The following CAMSAP1 variants were observed in gnomAD, a reference collection of about 807,000 sequenced individuals.
CAMSAP1 encodes calmodulin regulated spectrin associated protein 1.
CAMSAP1 carries 58 observed loss-of-function variants against 143.5 expected under a neutral mutation model. The observed-to-expected ratio is 0.40, with a 90% CI of 0.33 to 0.50. The LOEUF is 0.50. CAMSAP1 is among the 20% of genes least tolerant of loss of function. The pLI is 0.45. For synonymous variants in CAMSAP1, 945 were observed against 859.3 expected, an observed-to-expected ratio of 1.10 and a Z score of -1.74; for missense variants, 1,969 against 2,115.7, an observed-to-expected ratio of 0.93 and a Z score of 1.36.
At chr9:135,843,224 G>A (rs933904352) in intron 7 of CAMSAP1, among the ~76,000 whole-genome samples, 2 of 152,168 alleles carry the variant, frequency 1.3e-5, no homozygotes, top group Admixed American at 6.5e-5. Flanking sequence ...CTACTCGGGA[G>A]GCTGAGGCAG....
chr9:135,821,846 A>G lies in CAMSAP1; in HGVS notation c.2815T>C (p.Tyr939His), dbSNP rs1835475332. Residue 939 changes from tyrosine to histidine, a missense_variant, in exon 11 of 17, where the codon TAC (tyrosine) becomes CAC (histidine). Physicochemically the swap from Tyr to His is moderately conservative, Grantham distance 83 (BLOSUM62 2). Coordinates refer to ENST00000389532, the MANE Select transcript of CAMSAP1 (RefSeq NM_015447.4). This position sits in a 1 kb window ranked among gnomAD's most constrained non-coding sequence, Gnocchi z 4.6. ...PLRPEHFAKEYSQHNGEDCGD... is the reference protein window; with the variant it reads ...PLRPEHFAKEHSQHNGEDCGD... ...CAGTCCTCCCCGTTGTGCTGAGAGT[A>G]CTCCTTTGCAAAGTGCTCCGGCCTG... is the stretch of plus-strand genomic sequence containing the variant. 1 of 1,613,606 alleles carries G rather than the reference A, an allele frequency of 6.2e-7. No homozygotes were observed. The highest frequency in any genetic ancestry group is 8.5e-7 in the Non-Finnish European group (1 of 1,179,790).
chr9:135,812,863 G>A (rs1835098893), intron 16 of CAMSAP1, among the ~76,000 whole-genome samples: 2 of 151,914 alleles, frequency 1.3e-5, no homozygotes, highest in African/African-American at 4.8e-5. Flanking sequence ...GAGCTACTCA[G>A]AGAATCGCTT....
At position 135,821,595 on chromosome 9, in the gene CAMSAP1, A is replaced by T. The variant is rs747398208; in HGVS notation, c.3066T>A (p.Leu1022=). 9 of 1,613,818 alleles carry T rather than the reference A, an allele frequency of 5.6e-6. No homozygotes were observed. Among genetic ancestry groups the T allele is most frequent in the African/African-American group, 1.3e-5 (1 of 74,918 alleles). The part of the protein sequence containing the change: ...GEVVDVNECD[L]SIEKLNETIS... ...TGGTTTCGTTAAGCTTCTCGATGGA[A>T]AGGTCACATTCATTCACGTCGACAA... Residue 1022 remains leucine, a synonymous_variant, in exon 11 of 17, where the codon CTT becomes CTA. Transcript: ENST00000389532. The surrounding 1 kb of genome is among the most constrained non-coding windows in gnomAD (Gnocchi z 4.6).
At chr9:135,884,545 T>C (rs1838063619) in intron 1 of CAMSAP1, among the ~76,000 whole-genome samples, 1 of 152,158 alleles carries the variant, frequency 6.6e-6, no homozygotes, top group African/African-American at 2.4e-5. Flanking sequence ...TACACAATGA[T>C]TAGGTCATCA....
rs185171176 is a variant in CAMSAP1, at chr9:135,840,447, G to A, written c.1045+9690C>T. On this transcript the variant is annotated intron_variant, in intron 7 of 16. Coordinates refer to ENST00000389532, the MANE Select transcript of CAMSAP1 (RefSeq NM_015447.4). ...GGGGGCTCCAGCCATGACTCACGAC[G>A]GGGTCCGATGGGAAGAGGCCTTTCC... 5.7e-3 allele frequency among the ~76,000 whole-genome samples: 866 copies of A among 152,270 alleles called. 7 individuals carry two copies. The highest frequency in any genetic ancestry group is 5.2e-3 in the Non-Finnish European group (352 of 68,022).
Position 135,818,684 on chromosome 9 carries a change from G to A in CAMSAP1, c.3960-68C>T. ...TCTTCCACGACGCCTGCGCCGCGGC[G>A]CTCTGTCCAGGCGCGTTTCTCGGGT... On this transcript the variant is annotated intron_variant, in intron 12 of 16. Coordinates refer to ENST00000389532, the MANE Select transcript of CAMSAP1 (RefSeq NM_015447.4). This position sits in a 1 kb window ranked among gnomAD's most constrained non-coding sequence, Gnocchi z 7.7. 2.0e-6 allele frequency: 3 copies of A among 1,532,058 alleles called. No individual in the cohort carries two copies. The highest frequency in any genetic ancestry group is 1.9e-4 in the Middle Eastern group (1 of 5,132). 94.9% of individuals were successfully genotyped at this position (1,532,058 alleles called of 1,614,324 possible). A position where few individuals can be genotyped will look rare whatever the true frequency, so the allele number is the denominator to read the frequency against.
In CAMSAP1 at chr9:135,820,789, G is replaced by C; in HGVS notation, c.3822+50C>G. 6.3e-7 allele frequency: 1 copy of C among 1,588,806 alleles called. No homozygotes were observed. Among genetic ancestry groups the C allele is most frequent in the Non-Finnish European group, 8.6e-7 (1 of 1,168,940 alleles). The stretch of plus-strand genomic sequence containing the variant: ...GTGTTCTCTAACTCACTATCACGTG[G>C]GGTGGCAACACATCACGAGTGCCTG... On this transcript the variant is annotated intron_variant, in intron 11 of 16. Coordinates refer to ENST00000389532, the MANE Select transcript of CAMSAP1 (RefSeq NM_015447.4). This position sits in a 1 kb window ranked among gnomAD's most constrained non-coding sequence, Gnocchi z 4.4.
intron 3 of CAMSAP1, among the ~76,000 whole-genome samples, chr9:135,878,668 C>A (rs758830592): frequency 6.6e-6 from 1 of 152,106 alleles, no homozygotes; most frequent in African/African-American, 2.4e-5. Flanking sequence ...GAACCCACAC[C>A]GGAGAGGGCC....
At chr9:135,865,725 AT>A (rs1837353326) in intron 4 of CAMSAP1, among the ~76,000 whole-genome samples, 1 of 152,158 alleles carries the variant, frequency 6.6e-6, no homozygotes, top group South Asian at 2.1e-4. Flanking sequence ...AGGAAGCTCA[AT>A]GCTTAAGATC....
At chr9:135,850,837 A>G (rs1345489727) in intron 5 of CAMSAP1, among the ~76,000 whole-genome samples, 2 of 152,246 alleles carry the variant, frequency 1.3e-5, no homozygotes, top group Non-Finnish European at 2.9e-5. Context: ...CCCTCTGCAC[A>G]AGGTTTCCGT....
At chr9:135,848,529 ACATGCACACACACG>A (rs1377614269) in intron 7 of CAMSAP1, among the ~76,000 whole-genome samples, 8 of 152,138 alleles carry the variant, frequency 5.3e-5, no homozygotes, top group South Asian at 2.1e-4. Flanking sequence ...ACACGCTCAC[ACATGCACACACACG>A]CATGCACACA....
rs151146497 is a variant in CAMSAP1, at chr9:135,822,410, C to A, written c.2251G>T (p.Asp751Tyr). Residue 751 changes from aspartate to tyrosine, a missense_variant, in exon 11 of 17, where the codon GAT becomes TAT. By Grantham distance (160) the Asp-to-Tyr change is radical. Around this residue, in one of 4 missense-constraint regions of CAMSAP1, gnomAD observed 1,390 missense variants for 1,420.8 expected, o/e 0.98. Coordinates refer to ENST00000389532, the MANE Select transcript of CAMSAP1 (RefSeq NM_015447.4). The surrounding 1 kb of genome is among the most constrained non-coding windows in gnomAD (Gnocchi z 6.1). ...ACAGGATGGGCCTCACCCATGAAAT[C>A]GTGCTCGGCTTCCTCTATGTCCACC... ...DVVDIEEAEHDFMGEAHPVVF... is the reference protein window; with the variant it reads ...DVVDIEEAEHYFMGEAHPVVF... 1 of 1,614,002 alleles carries A rather than the reference C, an allele frequency of 6.2e-7. No homozygotes were observed. Among genetic ancestry groups the A allele is most frequent in the South Asian group, 1.1e-5 (1 of 91,086 alleles).
chr9:135,904,615 T>C lies in CAMSAP1; in HGVS notation c.160+2385A>G, dbSNP rs1431549346. On this transcript the variant is annotated intron_variant, in intron 1 of 16. Transcript: ENST00000389532. ...GGCTTAAAAACTTTTTTTTTTGTAA[T>C]TACATATGCTCCCCCTGTGAAGCAA... 2.6e-5 allele frequency among the ~76,000 whole-genome samples: 4 copies of C among 151,824 alleles called. No homozygotes were observed. The East Asian group carries it at 7.8e-4, about 30-fold the overall frequency.
intron 14 of CAMSAP1, chr9:135,817,755 G>A: frequency 3.8e-6 from 2 of 527,926 alleles, no homozygotes; most frequent in Admixed American, 6.5e-5. Context: ...TGGGGGACAG[G>A]GGAGGGTGAT....
intron 1 of CAMSAP1, among the ~76,000 whole-genome samples, chr9:135,889,325 T>C (rs1363275494): frequency 6.6e-6 from 1 of 151,972 alleles, no homozygotes; most frequent in Non-Finnish European, 1.5e-5. Flanking sequence ...AATACAATAT[T>C]GCAAATGCCC....
Position 135,815,980 on chromosome 9 carries a change from T to A in CAMSAP1, c.4297A>T (p.Ile1433Leu). ...QRVESMEALP[I>L]LSRNPSRSTD... ...CTCCTGCTTGGGTTACGGCTCAGTA[T>A]GGGCAGGGCTTCCATCGATTCCACT... Residue 1433 changes from isoleucine (I) to leucine (L), a missense_variant, in exon 15 of 17, where the codon ATA (isoleucine) becomes TTA (leucine). Physicochemically the swap from Ile to Leu is conservative, Grantham distance 5 (BLOSUM62 2). Coordinates refer to ENST00000389532, the MANE Select transcript of CAMSAP1 (RefSeq NM_015447.4). The A allele has an allele frequency of 6.2e-7, 1 of 1,613,754 alleles. No homozygotes were observed. The highest frequency in any genetic ancestry group is 1.1e-5 in the South Asian group (1 of 91,082).
At chr9:135,868,768 C>T (rs772225354) in intron 3 of CAMSAP1, among the ~76,000 whole-genome samples, 3 of 151,974 alleles carry the variant, frequency 2.0e-5, no homozygotes, top group Non-Finnish European at 4.4e-5. Flanking sequence ...AGGCGCCCAC[C>T]ACCACGCCTG....
intron 3 of CAMSAP1, among the ~76,000 whole-genome samples, chr9:135,880,669 G>A (rs1380589506): frequency 6.6e-6 from 1 of 152,202 alleles, no homozygotes; most frequent in African/African-American, 2.4e-5. Context: ...CTCTGCATGT[G>A]CAAGCTAACT....
In CAMSAP1 at chr9:135,821,568, G is replaced by C; in HGVS notation, c.3093C>G (p.Ile1031Met). 2.5e-6 allele frequency: 4 copies of C among 1,614,046 alleles called. No homozygotes were observed. The highest frequency in any genetic ancestry group is 3.4e-6 in the Non-Finnish European group (4 of 1,179,906). The change falls in exon 11 of 17, where the codon ATC (isoleucine) becomes ATG (methionine). Residue 1031 changes from isoleucine to methionine, a missense_variant. By Grantham distance (10) the Ile-to-Met change is conservative. Around this residue, in one of 4 missense-constraint regions of CAMSAP1, gnomAD observed 1,390 missense variants for 1,420.8 expected, o/e 0.98. Transcript: ENST00000389532. This position sits in a 1 kb window ranked among gnomAD's most constrained non-coding sequence, Gnocchi z 4.6. ...TCAGGATGGCCTGCTGCAGCGTACTGATGGTTTCGTTAAGCTTCTCGATGG... is the reference window on the plus strand; with the variant it reads ...TCAGGATGGCCTGCTGCAGCGTACTCATGGTTTCGTTAAGCTTCTCGATGG... ...DLSIEKLNET[I>M]STLQQAILKI...
Sources: allele counts gnomAD v4.1 joint callset (sites outside exome capture counted in the v4.1 genomes callset), GRCh38; gene constraint gnomAD v4.1.1; regional missense constraint gnomAD v4.1.1; non-coding constraint Gnocchi (gnomAD v3.1); transcripts MANE v1.5; gene names NCBI Gene and HGNC (gene_info 2026-07-23, HGNC 2026-07-21).